Variants in SDCCAG8 observed in about 807,000 individuals in gnomAD.
SDCCAG8 encodes the protein serologically defined colon cancer antigen 8.
A neutral mutation model predicts 101.8 loss-of-function variants in SDCCAG8; 74 were observed. The ratio of observed to expected loss-of-function variants is 0.73; its 90% CI spans 0.60 to 0.88. The LOEUF is 0.88. Ranked by LOEUF, SDCCAG8 falls within the 40% of genes least tolerant of loss-of-function variation. The probability of loss-of-function intolerance (pLI) is 0.00; values close to 1 mark genes in which losing one functional copy is unlikely to be tolerated. For synonymous variants in SDCCAG8, 281 were observed against 292.9 expected (o/e 0.96, Z 0.41); for missense variants, 787 against 822.6 (o/e 0.96, Z 0.53).
intron 17 of SDCCAG8, among the ~76,000 whole-genome samples, chr1:243,493,677 G>A (rs1300614883): frequency 1.3e-5 from 2 of 152,040 alleles, no homozygotes; most frequent in African/African-American, 2.4e-5. Context: ...TTGGCCCTAT[G>A]ACTTTTAAGC....
At chr1:243,413,810 G>A (rs1298871884) in intron 13 of SDCCAG8, among the ~76,000 whole-genome samples, 1 of 152,066 alleles carries the variant, frequency 6.6e-6, no homozygotes, top group Non-Finnish European at 1.5e-5. Context: ...TGTTTTTTTA[G>A]CTGACTCCTT....
intron 17 of SDCCAG8, among the ~76,000 whole-genome samples, chr1:243,499,400 A>G (rs1253431980): frequency 6.6e-6 from 1 of 152,168 alleles, no homozygotes; most frequent in Admixed American, 6.5e-5. Flanking sequence ...GGTCAGATAA[A>G]TTTTCAGTAA....
At chr1:243,487,039 C>G (rs907662573) in intron 16 of SDCCAG8, among the ~76,000 whole-genome samples, 14 of 152,220 alleles carry the variant, frequency 9.2e-5, no homozygotes, top group African/African-American at 3.4e-4. Flanking sequence ...GCTTTCCACC[C>G]ACTAATTTAA....
At chr1:243,466,260 G>A (rs2148175696) in intron 16 of SDCCAG8, among the ~76,000 whole-genome samples, 1 of 152,302 alleles carries the variant, frequency 6.6e-6, no homozygotes, top group African/African-American at 2.4e-5. Flanking sequence ...TAACAACCTT[G>A]TGATGTATAT....
chr1:243,475,344 C>T (rs1450301550), intron 16 of SDCCAG8, among the ~76,000 whole-genome samples: 1 of 152,138 alleles, frequency 6.6e-6, no homozygotes, highest in Non-Finnish European at 1.5e-5. Context: ...CAGGTGCTCA[C>T]CAGGAGTGGG....
At position 243,330,556 on chromosome 1, in the gene SDCCAG8, A is replaced by G; in HGVS notation, c.1085A>G (p.Asp362Gly). ...FEKTKALIQC[D>G]QLRKELERQA... ...TCCTGGCAGGCTTTAATCCAGTGTG[A>G]CCAGTTGAGGAAGGAGCTGGAGAGG... Residue 362 changes from aspartate (D) to glycine (G), a missense_variant, in exon 10 of 18, where the codon GAC becomes GGC. Transcript: ENST00000366541. The G allele has an allele frequency of 1.2e-6, 2 of 1,614,088 alleles. No homozygotes were observed. Among genetic ancestry groups the G allele is most frequent in the Non-Finnish European group, 1.7e-6 (2 of 1,180,006 alleles).
chr1:243,438,322 T>C (rs1558469639), intron 16 of SDCCAG8, among the ~76,000 whole-genome samples: 3 of 152,318 alleles, frequency 2.0e-5, no homozygotes, highest in Middle Eastern at 3.4e-3. Context: ...TTATCTACTT[T>C]TACAGTGGCC....
At chr1:243,410,365 C>A (rs992975509) in intron 13 of SDCCAG8, among the ~76,000 whole-genome samples, 3 of 152,170 alleles carry the variant, frequency 2.0e-5, no homozygotes, top group Non-Finnish European at 4.4e-5. Flanking sequence ...AAACTCACAT[C>A]GGTACCCAGC....
chr1:243,480,691 G>A (rs1211966467), intron 16 of SDCCAG8, among the ~76,000 whole-genome samples: 3 of 133,092 alleles, frequency 2.3e-5, no homozygotes, highest in Admixed American at 7.4e-5. Context: ...GGGATGGATG[G>A]ATGGGTGGGA....
chr1:243,478,885 G>C (rs1662931863), intron 16 of SDCCAG8, among the ~76,000 whole-genome samples: 1 of 150,898 alleles, frequency 6.6e-6, no homozygotes, highest in South Asian at 2.1e-4. Flanking sequence ...TTGAACCCGG[G>C]AGGCGGAGGT....
At chr1:243,454,153 A>G (rs1173034192) in intron 16 of SDCCAG8, among the ~76,000 whole-genome samples, 1 of 152,152 alleles carries the variant, frequency 6.6e-6, no homozygotes, top group Non-Finnish European at 1.5e-5. Flanking sequence ...AATGCTGCTA[A>G]ACTTTTCTAT....
At chr1:243,316,284 G>T (rs1196090748) in intron 8 of SDCCAG8, among the ~76,000 whole-genome samples, 1 of 152,168 alleles carries the variant, frequency 6.6e-6, no homozygotes. Context: ...GCAAAAAAGA[G>T]GATTGTGGAG....
At chr1:243,322,386 T>C (rs1223604080) in intron 9 of SDCCAG8, among the ~76,000 whole-genome samples, 2 of 152,166 alleles carry the variant, frequency 1.3e-5, no homozygotes, top group African/African-American at 4.8e-5. Context: ...CCCAGAAATA[T>C]ATGCATCTAC....
At chr1:243,258,656 C>A (rs530709145) in intron 1 of SDCCAG8, among the ~76,000 whole-genome samples, 114 of 152,312 alleles carry the variant, frequency 7.5e-4, no homozygotes, top group African/African-American at 2.5e-3. Flanking sequence ...CCGCCCACTT[C>A]AGCCTCCCAA....
At chr1:243,281,373 G>C (rs2069027523) in intron 4 of SDCCAG8, among the ~76,000 whole-genome samples, 1 of 146,794 alleles carries the variant, frequency 6.8e-6, no homozygotes. Flanking sequence ...TGGGCTCAAG[G>C]GATCCTCCCA....
rs2074522127 is a variant in SDCCAG8 at position 243,330,691 on chromosome 1, A to G, written c.1220A>G (p.Lys407Arg). ...AAAGAAAGGGAGTACATGGGATCAA[A>G]GGTACTTAAGGACTCTGCTGTTATC... ...ITKEREYMGS[K>R]MLILSQNIAQ... The change falls in exon 10 of 18, where the codon AAG becomes AGG. Residue 407 changes from lysine to arginine, a missense_variant and splice_region_variant. By Grantham distance (26) the Lys-to-Arg change is conservative (BLOSUM62 2). Coordinates refer to ENST00000366541, the MANE Select transcript of SDCCAG8 (RefSeq NM_006642.5). 1.2e-6 allele frequency: 2 copies of G among 1,613,998 alleles called. No individual in the cohort carries two copies. Among genetic ancestry groups the G allele is most frequent in the South Asian group, 2.2e-5 (2 of 91,084 alleles).
At chr1:243,448,879 A>G (rs1348771468) in intron 16 of SDCCAG8, among the ~76,000 whole-genome samples, 1 of 152,202 alleles carries the variant, frequency 6.6e-6, no homozygotes, top group Non-Finnish European at 1.5e-5. Flanking sequence ...AAATCATCAT[A>G]TTTTATCATC....
chr1:243,396,611 A>G (rs2079052207), intron 13 of SDCCAG8, among the ~76,000 whole-genome samples: 1 of 152,236 alleles, frequency 6.6e-6, no homozygotes, highest in Non-Finnish European at 1.5e-5. Context: ...GCTATATAGT[A>G]TGATGCAATT....
chr1:243,442,425 G>A (rs543108728), intron 16 of SDCCAG8, among the ~76,000 whole-genome samples: 2 of 152,194 alleles, frequency 1.3e-5, no homozygotes, highest in East Asian at 1.9e-4. Flanking sequence ...CAGTAACTAC[G>A]TGGCATGTGG....
Sources: allele counts gnomAD v4.1 joint callset (sites outside exome capture counted in the v4.1 genomes callset), GRCh38; gene constraint gnomAD v4.1.1; transcripts MANE v1.5; gene names NCBI Gene and HGNC (gene_info 2026-07-23, HGNC 2026-07-21).